Variants in TMEM38B observed in about 807,000 individuals in gnomAD.
The protein encoded by TMEM38B is transmembrane protein 38B.
In TMEM38B, 24 loss-of-function variants were observed where a neutral mutation model predicts 28.7. The ratio of observed to expected loss-of-function variants is 0.84; its 90% CI spans 0.61 to 1.18. The LOEUF (loss-of-function observed/expected upper bound fraction) is 1.18. Ranked by LOEUF, TMEM38B falls within the 50% of genes most tolerant of loss-of-function variation. The pLI is 0.00. For missense variants in TMEM38B, 380 were observed against 350.9 expected, an observed-to-expected ratio of 1.08 and a Z score of -0.66; for synonymous variants, 131 against 127.7, an observed-to-expected ratio of 1.03 and a Z score of -0.17.
At chr9:105,737,447 G>A (rs1837026657) in intron 4 of TMEM38B, among the ~76,000 whole-genome samples, 1 of 152,162 alleles carries the variant, frequency 6.6e-6, no homozygotes, top group Non-Finnish European at 1.5e-5. Flanking sequence ...TATGGCAGAG[G>A]CCCAAGTTTT....
intron 2 of TMEM38B, among the ~76,000 whole-genome samples, chr9:105,706,503 T>G (rs3126471): frequency 6.6e-6 from 1 of 152,092 alleles, no homozygotes; most frequent in South Asian, 2.1e-4. Context: ...TTTTTATAAG[T>G]GGGCTCATAA....
intron 5 of TMEM38B, among the ~76,000 whole-genome samples, chr9:105,765,057 C>T (rs1483659071): frequency 1.3e-5 from 2 of 152,142 alleles, no homozygotes; most frequent in African/African-American, 2.4e-5. Flanking sequence ...GGATCCCTTC[C>T]TTACACCTTA....
intron 5 of TMEM38B, among the ~76,000 whole-genome samples, chr9:105,750,077 T>C (rs895225214): frequency 1.1e-4 from 16 of 152,256 alleles, no homozygotes; most frequent in Non-Finnish European, 1.6e-4. Context: ...AAGTGGCATC[T>C]CACTGTGGTT....
intron 4 of TMEM38B, among the ~76,000 whole-genome samples, chr9:105,745,995 A>C (rs1837377436): frequency 6.6e-6 from 1 of 152,120 alleles, no homozygotes. Flanking sequence ...CTTGTAGTAT[A>C]GTTTGAAGTC....
At chr9:105,773,824 T>C (rs1172400883) in intron 5 of TMEM38B, 41 bp from the exon 6 acceptor site, 1 of 1,565,560 alleles carries the variant, frequency 6.4e-7, no homozygotes, top group Non-Finnish European at 8.7e-7. Context: ...GAAACAGAAA[T>C]CATTTGTATT....
intron 2 of TMEM38B, among the ~76,000 whole-genome samples, chr9:105,706,037 A>C (rs1447957606): frequency 6.6e-6 from 1 of 151,848 alleles, no homozygotes; most frequent in Non-Finnish European, 1.5e-5. Context: ...AGTAGCTGGA[A>C]TTACAGCACC....
chr9:105,759,483 G>C (rs1837958014), intron 5 of TMEM38B: 2 of 1,579,960 alleles, frequency 1.3e-6, no homozygotes, highest in African/African-American at 2.7e-5. Context: ...ACAGAGGAGT[G>C]AGTGCTAATG....
intron 2 of TMEM38B, among the ~76,000 whole-genome samples, chr9:105,712,642 C>A (rs1236870129): frequency 6.6e-6 from 1 of 152,198 alleles, no homozygotes; most frequent in Non-Finnish European, 1.5e-5. Context: ...ACATTTAGTG[C>A]CTATTAATTA....
At chr9:105,750,084 G>C (rs966829779) in intron 5 of TMEM38B, among the ~76,000 whole-genome samples, 1 of 152,132 alleles carries the variant, frequency 6.6e-6, no homozygotes, top group Non-Finnish European at 1.5e-5. Context: ...ATCTCACTGT[G>C]GTTTTGATGT....
At chr9:105,726,402 T>C (rs1836514657) in intron 4 of TMEM38B, among the ~76,000 whole-genome samples, 1 of 152,202 alleles carries the variant, frequency 6.6e-6, no homozygotes, top group South Asian at 2.1e-4. Flanking sequence ...TTTTTTACTT[T>C]TTAAACTTTT....
At chr9:105,759,371 T>G in intron 5 of TMEM38B, 1 of 1,360,808 alleles carries the variant, frequency 7.3e-7, no homozygotes, top group Non-Finnish European at 1.0e-6. Flanking sequence ...GTCTGCTTCA[T>G]AGAGAAAAAA....
At chr9:105,757,986 T>A (rs1243641089) in intron 5 of TMEM38B, among the ~76,000 whole-genome samples, 1 of 152,274 alleles carries the variant, frequency 6.6e-6, no homozygotes, top group African/African-American at 2.4e-5. Context: ...ACAGCAGTGT[T>A]TCCCAAGGTA....
chr9:105,738,901 T>G (rs2133603401), intron 4 of TMEM38B, among the ~76,000 whole-genome samples: 1 of 152,078 alleles, frequency 6.6e-6, no homozygotes, highest in South Asian at 2.1e-4. Flanking sequence ...TTTTTTATTT[T>G]TTGTAGAGAT....
intron 5 of TMEM38B, among the ~76,000 whole-genome samples, chr9:105,762,014 C>A (rs978610219): frequency 6.6e-6 from 1 of 152,000 alleles, no homozygotes; most frequent in Admixed American, 6.6e-5. Flanking sequence ...TGAAGCAAGT[C>A]GCCTTCTATT....
chr9:105,771,925 C>T (rs556596826), intron 5 of TMEM38B, among the ~76,000 whole-genome samples: 6 of 152,312 alleles, frequency 3.9e-5, no homozygotes, highest in Non-Finnish European at 7.3e-5. Flanking sequence ...AGTCTGTAAG[C>T]TCCTTGAGGG....
intron 4 of TMEM38B, among the ~76,000 whole-genome samples, chr9:105,731,850 TTTCTAG>T (rs2133592600): frequency 6.6e-6 from 1 of 152,314 alleles, no homozygotes; most frequent in East Asian, 1.9e-4. Context: ...TTAAATGGTA[TTTCTAG>T]TTCTAGATCC....
At chr9:105,720,472 A>G (rs770461008) in intron 2 of TMEM38B, among the ~76,000 whole-genome samples, 1 of 152,114 alleles carries the variant, frequency 6.6e-6, no homozygotes, top group Non-Finnish European at 1.5e-5. Context: ...CCCAAAGTCA[A>G]TGACTATGGT....
At position 105,711,578 on chromosome 9, in the gene TMEM38B, GCT is replaced by G. The variant is rs1337414096; in HGVS notation, c.269+5827_269+5828del. Reference sequence around the variant, plus strand: ...ATACAACTTTGCGCCTGGGACAGTTGCTCATGCCTGTAATCCCAGCACTTTGG... The same window carrying G: ...ATACAACTTTGCGCCTGGGACAGTTGCATGCCTGTAATCCCAGCACTTTGG... On this transcript the variant is annotated intron_variant, in intron 2 of 5. Coordinates refer to ENST00000374692, the MANE Select transcript of TMEM38B (RefSeq NM_018112.3). Among the ~76,000 whole-genome samples the G allele has an allele frequency of 2.6e-5, 4 of 152,114 alleles. No homozygotes were observed. In the East Asian group the frequency reaches 7.7e-4, roughly 29 times the overall value.
intron 2 of TMEM38B, among the ~76,000 whole-genome samples, chr9:105,719,479 T>C (rs1274171288): frequency 6.6e-6 from 1 of 152,196 alleles, no homozygotes; most frequent in African/African-American, 2.4e-5. Context: ...TAATTTGTTA[T>C]AGAGCAGGAA....
Sources: allele counts gnomAD v4.1 joint callset (sites outside exome capture counted in the v4.1 genomes callset), GRCh38; gene constraint gnomAD v4.1.1; transcripts MANE v1.5; gene names NCBI Gene and HGNC (gene_info 2026-07-23, HGNC 2026-07-21).